The following MYO15A variants were observed in gnomAD, a reference collection of about 807,000 sequenced individuals.
MYO15A encodes myosin XVA.
Under a neutral mutation model 394.6 loss-of-function variants are expected in MYO15A, and 308 were observed. The ratio of observed to expected loss-of-function variants is 0.78; its 90% confidence interval spans 0.71 to 0.86. MYO15A has a LOEUF of 0.86. MYO15A is among the 40% of genes least tolerant of loss of function. The pLI is 0.00. For synonymous variants in MYO15A, 1,957 were observed against 2,003.8 expected (o/e 0.98, Z 0.62); for missense variants, 4,606 against 4,799.1 (o/e 0.96, Z 1.19).
At chr17:18,125,299 G>A (rs2046013006) in intron 4 of MYO15A, 68 bp downstream of exon 4, 6 of 1,477,132 alleles carry the variant, frequency 4.1e-6, no homozygotes, top group Non-Finnish European at 5.7e-6. Context: ...GGGCCGGGTG[G>A]GACGCACAGA....
Position 18,163,778 on chromosome 17 carries a change from A to G in MYO15A, c.9727A>G (p.Met3243Val), listed in dbSNP as rs751245691. The change falls in exon 60 of 66, where the codon ATG becomes GTG. Residue 3243 changes from methionine (M) to valine (V), a missense_variant. Around this residue, in one of 2 missense-constraint regions of MYO15A, gnomAD observed 2,776 missense variants for 3,109.3 expected, o/e 0.89. Coordinates refer to ENST00000647165, the MANE Select transcript of MYO15A (RefSeq NM_016239.4). ...CGTGGTGGAAGAGATATGTGCTGAGATGGCTCTGACACGCCCTGAGGCCTT... is the reference window on the plus strand; with the variant it reads ...CGTGGTGGAAGAGATATGTGCTGAGGTGGCTCTGACACGCCCTGAGGCCTT... ...LDVVEEICAEMALTRPEAFNE... is the reference protein window; with the variant it reads ...LDVVEEICAEVALTRPEAFNE... 6.2e-7 allele frequency: 1 copy of G among 1,614,012 alleles called. No homozygotes were observed. The highest frequency in any genetic ancestry group is 8.5e-7 in the Non-Finnish European group (1 of 1,179,954).
chr17:18,130,708 G>A, intron 7 of MYO15A, 97 bp from the exon 8 acceptor site: 1 of 1,602,468 alleles, frequency 6.2e-7, no homozygotes, highest in East Asian at 2.2e-5. Context: ...CTGGTCTGAG[G>A]CTCCTAGTCT....
At chr17:18,145,556 A>C (rs533775106) in intron 29 of MYO15A, among the ~76,000 whole-genome samples, 13 of 152,210 alleles carry the variant, frequency 8.5e-5, no homozygotes, top group Middle Eastern at 3.4e-3. Flanking sequence ...TCTACTAAAA[A>C]TACAAAAATT....
intron 1 of MYO15A, among the ~76,000 whole-genome samples, chr17:18,112,165 G>A (rs2045730031): frequency 6.6e-6 from 1 of 152,124 alleles, no homozygotes; most frequent in Admixed American, 6.5e-5. Context: ...ATGGCTCTGG[G>A]AGGTGCTCTT....
intron 62 of MYO15A, among the ~76,000 whole-genome samples, chr17:18,169,155 AATAAAAAT>A (rs1567665153): frequency 2.6e-3 from 251 of 96,282 alleles, no homozygotes; most frequent in Non-Finnish European, 5.0e-3. Context: ...TAATAATAAT[AATAAAAAT>A]AGGCTGGGCA....
At chr17:18,136,117 C>T (rs568558488) in intron 13 of MYO15A, among the ~76,000 whole-genome samples, 42 of 152,330 alleles carry the variant, frequency 2.8e-4, no homozygotes, top group South Asian at 1.2e-3. Context: ...AATCTTTGGA[C>T]GGGTCAGTGC....
intron 7 of MYO15A, among the ~76,000 whole-genome samples, chr17:18,129,506 G>A (rs1016105023): frequency 1.3e-5 from 2 of 152,190 alleles, no homozygotes; most frequent in African/African-American, 4.8e-5. Flanking sequence ...GGGACAGATG[G>A]AGGGAACTGG....
At position 18,138,952 on chromosome 17, in the gene MYO15A, G is replaced by A; in HGVS notation, c.5133+16G>A. On this transcript the variant is annotated intron_variant, in intron 18 of 65. Transcript: ENST00000647165. ...CACCTACCAGGTGAGCCCTAAGACA[G>A]TCGGCCTGGACGCTGGTGCTGCAGT... 6.2e-7 allele frequency: 1 copy of A among 1,608,784 alleles called. No homozygotes were observed. Among genetic ancestry groups the A allele is most frequent in the Non-Finnish European group, 8.5e-7 (1 of 1,177,388 alleles).
chr17:18,174,988 A>G (rs2046994179), intron 65 of MYO15A, among the ~76,000 whole-genome samples: 1 of 148,300 alleles, frequency 6.7e-6, no homozygotes, highest in Admixed American at 6.8e-5. Context: ...TCCTCACCAC[A>G]CCCCAATCTG....
chr17:18,111,220 A>G (rs1597739261), intron 1 of MYO15A, among the ~76,000 whole-genome samples: 1 of 152,080 alleles, frequency 6.6e-6, no homozygotes, highest in Admixed American at 6.5e-5. Flanking sequence ...CTGTAGTCTC[A>G]GCTGCTTGGG....
At chr17:18,139,232 T>G in intron 18 of MYO15A, 1 of 604,364 alleles carries the variant, frequency 1.7e-6, no homozygotes, top group Non-Finnish European at 3.1e-6. Flanking sequence ...CTCATCACTA[T>G]TATCTGAGGC....
Position 18,148,014 on chromosome 17 carries a change from A to G in MYO15A, c.6510-15A>G, listed in dbSNP as rs2046509383. 6.2e-7 allele frequency: 1 copy of G among 1,613,458 alleles called. No homozygotes were observed. Among genetic ancestry groups the G allele is most frequent in the East Asian group, 2.2e-5 (1 of 44,836 alleles). On this transcript the variant is annotated splice_polypyrimidine_tract_variant and intron_variant, in intron 30 of 65. Transcript: ENST00000647165. This position sits in a 1 kb window ranked among gnomAD's most constrained non-coding sequence, Gnocchi z 4.8. ...CAGATCCTTCTTGATCCTGGCTCCA[A>G]CTCCTACCCATCAGGTTTGTGTCTG... is the stretch of plus-strand genomic sequence containing the variant.
chr17:18,113,069 G>A (rs1228830590), intron 1 of MYO15A, among the ~76,000 whole-genome samples: 4 of 151,962 alleles, frequency 2.6e-5, no homozygotes, highest in Non-Finnish European at 5.9e-5. Context: ...GGCTGGTCTC[G>A]AACTCCTGAG....
chr17:18,135,461 C>A lies in MYO15A; in HGVS notation c.4483-250C>A, dbSNP rs1458046682. ...GGTTCAAGCAATTCTCCTGCCTCAG[C>A]CTCCTGAGTAGCTGGGATTACAGGC... On this transcript the variant is annotated intron_variant, in intron 12 of 65. Transcript: ENST00000647165. 2.0e-5 allele frequency among the ~76,000 whole-genome samples: 3 copies of A among 152,146 alleles called. No homozygotes were observed. In the East Asian group the frequency reaches 5.8e-4, roughly 29 times the overall value.
intron 44 of MYO15A, 42 bp downstream of exon 44, chr17:18,154,232 G>A: frequency 2.5e-6 from 4 of 1,608,434 alleles, no homozygotes; most frequent in Non-Finnish European, 3.4e-6. Flanking sequence ...GAACTCAGCA[G>A]GGCTGTGTGG....
intron 8 of MYO15A, 62 bp downstream of exon 8, chr17:18,130,872 C>T: frequency 4.3e-6 from 3 of 690,526 alleles, no homozygotes; most frequent in Non-Finnish European, 5.8e-6. Context: ...GTGTGTGTGT[C>T]TGTCCAGGAA....
chr17:18,126,988 A>G, intron 6 of MYO15A, 87 bp from the exon 7 acceptor site: 1 of 1,599,558 alleles, frequency 6.3e-7, no homozygotes, highest in Non-Finnish European at 8.6e-7. Context: ...CCCACCGTAC[A>G]TATCCTCTTG....
At chr17:18,134,814 G>T (rs555004009) in intron 12 of MYO15A, among the ~76,000 whole-genome samples, 1 of 152,274 alleles carries the variant, frequency 6.6e-6, no homozygotes, top group South Asian at 2.1e-4. Flanking sequence ...ACGTTCTATT[G>T]TGCTTTGTTA....
Position 18,135,381 on chromosome 17 carries a change from G to A in MYO15A, c.4483-330G>A, listed in dbSNP as rs145065605. On this transcript the variant is annotated intron_variant, in intron 12 of 65. Coordinates refer to ENST00000647165, the MANE Select transcript of MYO15A (RefSeq NM_016239.4). ...TTTGAGATGGAGTTTCGCTCTTGTT[G>A]CCCAGGCTGGAGTGCAATGGCACGG... 5.8e-3 allele frequency among the ~76,000 whole-genome samples: 879 copies of A among 152,138 alleles called. 5 individuals carry two copies. The highest frequency in any genetic ancestry group is 0.02 in the African/African-American group (834 of 41,470).
Sources: allele counts gnomAD v4.1 joint callset (sites outside exome capture counted in the v4.1 genomes callset), GRCh38; gene constraint gnomAD v4.1.1; regional missense constraint gnomAD v4.1.1; non-coding constraint Gnocchi (gnomAD v3.1); transcripts MANE v1.5; gene names NCBI Gene and HGNC (gene_info 2026-07-23, HGNC 2026-07-21).